CTNNA1: variants seen among roughly 807,000 people sequenced by gnomAD.
CTNNA1 encodes catenin alpha 1.
In CTNNA1, 37 loss-of-function variants were observed where a neutral mutation model predicts 98.4. The ratio of observed to expected loss-of-function variants is 0.38; its 90% confidence interval spans 0.29 to 0.49. CTNNA1 has a LOEUF of 0.49. CTNNA1 is among the 20% of genes least tolerant of loss of function. CTNNA1 has a pLI of 0.95. For synonymous variants in CTNNA1, 404 were observed against 413.2 expected, an observed-to-expected ratio of 0.98 and a Z score of 0.27; for missense variants, 761 against 1,147.2, an observed-to-expected ratio of 0.66 and a Z score of 4.86.
At chr5:138,761,656 G>C (rs147682743) in intron 1 of CTNNA1, among the ~76,000 whole-genome samples, 2 of 152,264 alleles carry the variant, frequency 1.3e-5, no homozygotes, top group Non-Finnish European at 2.9e-5. Flanking sequence ...TCTATATGGA[G>C]ATAATAAATA....
chr5:138,825,310 C>T lies in CTNNA1; in HGVS notation c.858+511C>T, dbSNP rs186284110. 1.8e-4 allele frequency among the ~76,000 whole-genome samples: 27 copies of T among 152,152 alleles called. No individual in the cohort carries two copies. The East Asian group carries it at 5.0e-3, about 28-fold the overall frequency. On this transcript the variant is annotated intron_variant, in intron 6 of 17. Coordinates refer to ENST00000302763, the MANE Select transcript of CTNNA1 (RefSeq NM_001903.5). The stretch of plus-strand genomic sequence containing the variant: ...GAACAGAAATTTAATCAAGTGGAAG[C>T]AAATTTGGGATTAAAATACTTTCTT...
chr5:138,860,128 A>G (rs288013), intron 7 of CTNNA1, among the ~76,000 whole-genome samples: 103,020 of 151,740 alleles, frequency 0.68, 35,195 homozygotes, highest in East Asian at 0.93. Flanking sequence ...ATACTGAAAT[A>G]ATTGATGAAT....
chr5:138,880,853 G>A, intron 7 of CTNNA1: 2 of 341,708 alleles, frequency 5.9e-6, no homozygotes, highest in South Asian at 4.6e-5. Context: ...AGCACTTAAG[G>A]TTGATGAAGC....
chr5:138,821,756 C>G (rs956799097), intron 5 of CTNNA1, among the ~76,000 whole-genome samples: 9 of 152,188 alleles, frequency 5.9e-5, no homozygotes, highest in Non-Finnish European at 1.3e-4. Context: ...CTTGAACCAT[C>G]ACTGGGTTGG....
chr5:138,926,787 TCTC>T (rs1764152614), intron 13 of CTNNA1, among the ~76,000 whole-genome samples: 2 of 152,010 alleles, frequency 1.3e-5, no homozygotes, highest in Admixed American at 6.5e-5. Flanking sequence ...TTTCTCCCCA[TCTC>T]CTCAGCCTGT....
chr5:138,809,906 C>T, intron 3 of CTNNA1, 132 bp from the exon 4 acceptor site: 1 of 1,270,404 alleles, frequency 7.9e-7, no homozygotes, highest in Non-Finnish European at 1.0e-6. Context: ...CAAACAACAA[C>T]AAAAATGAAA....
rs373952169 is a variant in CTNNA1 at position 138,777,419 on chromosome 5, G to A, written c.-2-4504G>A. Reference sequence around the variant, plus strand: ...GCTCCTCACGTCCCAGACGATGGGCGGCCAGGCAGAGACGCTCCTCACTTC... The same window carrying A: ...GCTCCTCACGTCCCAGACGATGGGCAGCCAGGCAGAGACGCTCCTCACTTC... On this transcript the variant is annotated intron_variant, in intron 1 of 17. Coordinates refer to ENST00000302763, the MANE Select transcript of CTNNA1 (RefSeq NM_001903.5). Among the ~76,000 whole-genome samples, 59 of 151,486 alleles carry A rather than the reference G, an allele frequency of 3.9e-4. No individual in the cohort carries two copies. In the East Asian group the frequency reaches 9.1e-3, roughly 23 times the overall value.
intron 7 of CTNNA1, among the ~76,000 whole-genome samples, chr5:138,883,113 C>T (rs555734981): frequency 4.6e-5 from 7 of 152,014 alleles, no homozygotes; most frequent in Non-Finnish European, 7.4e-5. Context: ...GCTGTCCACC[C>T]GCCTCAGCCT....
intron 3 of CTNNA1, among the ~76,000 whole-genome samples, chr5:138,785,885 C>T (rs1221115621): frequency 2.6e-5 from 4 of 152,144 alleles, no homozygotes; most frequent in Admixed American, 2.0e-4. Context: ...TGAGCCAGTG[C>T]GCCTGGCCAC....
chr5:138,785,139 T>G (rs825766), intron 3 of CTNNA1, among the ~76,000 whole-genome samples: 99,538 of 145,252 alleles, frequency 0.69, 34,271 homozygotes, highest in East Asian at 0.93. Flanking sequence ...TCGGCTCACT[T>G]CAAGCTCCGC....
At chr5:138,761,244 A>AT (rs1752329888) in intron 1 of CTNNA1, among the ~76,000 whole-genome samples, 2 of 151,880 alleles carry the variant, frequency 1.3e-5, no homozygotes, top group Non-Finnish European at 1.5e-5. Context: ...ACTGTTATTT[A>AT]TTTTTTTTGA....
At chr5:138,926,428 G>A (rs986963802) in intron 13 of CTNNA1, among the ~76,000 whole-genome samples, 3 of 152,226 alleles carry the variant, frequency 2.0e-5, no homozygotes, top group South Asian at 2.1e-4. Flanking sequence ...CAGAAGCCGC[G>A]GCCATTTGTG....
Position 138,882,921 on chromosome 5 carries a change from C to T in CTNNA1, c.1063-3291C>T, listed in dbSNP as rs895048728. Among the ~76,000 whole-genome samples the T allele has an allele frequency of 4.6e-5, 7 of 152,328 alleles. No individual in the cohort carries two copies. The South Asian group carries it at 6.2e-4, about 14-fold the overall frequency. On this transcript the variant is annotated intron_variant, in intron 7 of 17. Transcript: ENST00000302763. ...TCGGTTCACTGCAACCTCTGCCTCC[C>T]GGGTTCAAGGGATTCTCCTGTCTCA...
chr5:138,823,167 C>T (rs1015753293), intron 5 of CTNNA1, among the ~76,000 whole-genome samples: 8 of 152,180 alleles, frequency 5.3e-5, no homozygotes, highest in African/African-American at 1.9e-4. Context: ...TCCATTTTTA[C>T]TAAAGCCTTT....
intron 9 of CTNNA1, among the ~76,000 whole-genome samples, chr5:138,894,248 T>A (rs534601390): frequency 6.6e-6 from 1 of 151,562 alleles, no homozygotes; most frequent in Non-Finnish European, 1.5e-5. Flanking sequence ...TGCCTAAGAT[T>A]AGGCATAATA....
chr5:138,890,326 T>G (rs73263501), intron 9 of CTNNA1, among the ~76,000 whole-genome samples: 1,960 of 144,464 alleles, frequency 0.014, 48 homozygotes, highest in African/African-American at 0.043. Context: ...ACCCCACAGG[T>G]TTAGGGCATG....
chr5:138,815,368 G>A (rs187957745), intron 5 of CTNNA1, among the ~76,000 whole-genome samples: 143 of 152,198 alleles, frequency 9.4e-4, no homozygotes, highest in Non-Finnish European at 1.6e-3. Flanking sequence ...CTCTGCCCCA[G>A]GAACCTAACC....
At chr5:138,756,427 A>C (rs2149564446) in intron 1 of CTNNA1, among the ~76,000 whole-genome samples, 1 of 152,232 alleles carries the variant, frequency 6.6e-6, no homozygotes, top group Middle Eastern at 3.4e-3. Flanking sequence ...TCAGCCTCCT[A>C]AAGTGCTGGG....
chr5:138,879,125 G>A (rs912975822), intron 7 of CTNNA1, among the ~76,000 whole-genome samples: 5 of 138,980 alleles, frequency 3.6e-5, no homozygotes, highest in Non-Finnish European at 7.6e-5. Context: ...CAGGAGAATC[G>A]CTTGAACCAG....
Sources: gnomAD v4.1 joint callset for allele counts (sites outside exome capture counted in the v4.1 genomes callset) on GRCh38, gnomAD v4.1.1 for gene constraint, MANE v1.5 for transcripts, NCBI Gene and HGNC (gene_info 2026-07-23, HGNC 2026-07-21) for gene names.